DDR2: variants seen among roughly 807,000 people sequenced by gnomAD.
DDR2 encodes discoidin domain receptor tyrosine kinase 2.
Under a neutral mutation model 94.9 loss-of-function variants are expected in DDR2, and 27 were observed. The observed-to-expected ratio is 0.28, with a 90% CI of 0.21 to 0.39. The LOEUF is 0.39. Ranked by LOEUF, DDR2 falls within the 10% of genes least tolerant of loss-of-function variation. The probability of loss-of-function intolerance (pLI) is 1.00; values close to 1 mark genes in which losing one functional copy is unlikely to be tolerated. For missense variants in DDR2, 783 were observed against 1,076.0 expected, an observed-to-expected ratio of 0.73 and a Z score of 3.81; for synonymous variants, 382 against 377.2, an observed-to-expected ratio of 1.01 and a Z score of -0.15.
chr1:162,651,203 C>T lies in DDR2; in HGVS notation c.-191-4008C>T, dbSNP rs577543408. On this transcript the variant is annotated intron_variant, in intron 1 of 17. Transcript: ENST00000367921. ...TGCCATCCCACTCTCCAAAGCCTTT[C>T]CCGGCTCTCTTGTGCTCACTCCTTG... 2.0e-5 allele frequency among the ~76,000 whole-genome samples: 3 copies of T among 152,336 alleles called. No individual in the cohort carries two copies. In the East Asian group the frequency reaches 5.8e-4, roughly 29 times the overall value.
At chr1:162,658,869 A>T (rs992392616) in intron 2 of DDR2, among the ~76,000 whole-genome samples, 1 of 59,152 alleles carries the variant, frequency 1.7e-5, no homozygotes, top group Non-Finnish European at 4.6e-5. Flanking sequence ...TCAAAGAGGA[A>T]TGGAGGGGAG....
intron 7 of DDR2, among the ~76,000 whole-genome samples, chr1:162,756,172 G>T (rs1225361877): frequency 6.6e-6 from 1 of 152,160 alleles, no homozygotes; most frequent in Non-Finnish European, 1.5e-5. Context: ...AGAAAGAATA[G>T]ACCTTATACA....
intron 2 of DDR2, among the ~76,000 whole-genome samples, chr1:162,668,858 C>T (rs1019230739): frequency 1.3e-5 from 2 of 152,216 alleles, no homozygotes; most frequent in Non-Finnish European, 2.9e-5. Context: ...ACCCACCACA[C>T]TGTTAAAGAT....
In DDR2 at chr1:162,708,908, T is replaced by G. The variant is rs558354126; in HGVS notation, c.-27-10129T>G. 2.6e-5 allele frequency among the ~76,000 whole-genome samples: 4 copies of G among 152,264 alleles called. No individual in the cohort carries two copies. In the South Asian group the frequency reaches 8.3e-4, roughly 32 times the overall value. On this transcript the variant is annotated intron_variant, in intron 2 of 17. Coordinates refer to ENST00000367921, the MANE Select transcript of DDR2 (RefSeq NM_006182.4). ...GGGTGGCATGCTTTTTGCCCCTAAC[T>G]TGCAAATTTATTGAGAACATGATGC...
intron 3 of DDR2, among the ~76,000 whole-genome samples, chr1:162,737,758 A>G (rs1439217847): frequency 1.6e-5 from 2 of 123,628 alleles, no homozygotes; most frequent in Non-Finnish European, 3.4e-5. Flanking sequence ...TGGTTGAACT[A>G]GTTTACAGTC....
chr1:162,704,571 A>T (rs1241195670), intron 2 of DDR2, among the ~76,000 whole-genome samples: 2 of 152,190 alleles, frequency 1.3e-5, no homozygotes, highest in African/African-American at 4.8e-5. Flanking sequence ...GTGCTGGCAG[A>T]TTCAGGGTCT....
chr1:162,727,471 A>G (rs1433053918), intron 3 of DDR2, among the ~76,000 whole-genome samples: 1 of 146,228 alleles, frequency 6.8e-6, no homozygotes, highest in African/African-American at 2.5e-5. Context: ...TTCACATGTT[A>G]CATGTTATAT....
intron 3 of DDR2, among the ~76,000 whole-genome samples, chr1:162,729,237 C>T (rs2941406): frequency 6.8e-6 from 1 of 147,032 alleles, no homozygotes; most frequent in Admixed American, 6.8e-5. Flanking sequence ...CACCCTAACT[C>T]TAAAGGGATG....
At chr1:162,778,085 A>G (rs1647684576) in intron 16 of DDR2, 1 of 206,734 alleles carries the variant, frequency 4.8e-6, no homozygotes, top group Non-Finnish European at 9.9e-6. Context: ...TTGAGTAGAA[A>G]ATGTGAGTAG....
rs2102138408 is a variant in DDR2 at position 162,755,710 on chromosome 1, C to T, written c.612C>T (p.Leu204=). The change falls in exon 7 of 18, where the codon CTC becomes CTT. Residue 204 remains leucine, a synonymous_variant. Transcript: ENST00000367921. Reference sequence around the variant, plus strand: ...CTCCAGCTGGGCAGCAGTTTGTACTCCCTGGAGGTTCCATCATTTATCTGA... The same window carrying T: ...CTCCAGCTGGGCAGCAGTTTGTACTTCCTGGAGGTTCCATCATTTATCTGA... ...YNAPAGQQFV[L]PGGSIIYLND... is the part of the protein sequence containing the mutation. 1 of 1,614,142 alleles carries T rather than the reference C, an allele frequency of 6.2e-7. No individual in the cohort carries two copies. The highest frequency in any genetic ancestry group is 8.5e-7 in the Non-Finnish European group (1 of 1,180,006).
At chr1:162,769,492 AG>A (rs1664160916) in intron 11 of DDR2, among the ~76,000 whole-genome samples, 1 of 152,222 alleles carries the variant, frequency 6.6e-6, no homozygotes, top group Admixed American at 6.5e-5. Context: ...CTTCATGCTT[AG>A]TACTGGGGAT....
intron 2 of DDR2, among the ~76,000 whole-genome samples, chr1:162,656,834 T>TTTTG (rs1657994893): frequency 4.3e-5 from 2 of 46,302 alleles, no homozygotes; most frequent in Admixed American, 3.6e-4. Context: ...GCCACTGGAG[T>TTTTG]TTTTTTTTTT....
chr1:162,633,780 T>C (rs951928004), intron 1 of DDR2, among the ~76,000 whole-genome samples: 4 of 152,166 alleles, frequency 2.6e-5, no homozygotes, highest in Non-Finnish European at 5.9e-5. Context: ...GTTATATTTG[T>C]GTGTGTGTGT....
chr1:162,776,099 C>T (rs2102197768), intron 15 of DDR2, 37 bp from the exon 16 acceptor site: 1 of 1,563,936 alleles, frequency 6.4e-7, no homozygotes, highest in African/African-American at 1.4e-5. Flanking sequence ...TTCCTGTTTC[C>T]ATAGGCTACC....
Position 162,782,045 on chromosome 1 carries a change from T to A in DDR2, c.*1799T>A, listed in dbSNP as rs1027399496. ...GGTCATCTTCTGATCCTAGCAAATG[T>A]CCTTTCCCCATAGTTGTCCTATGCC... On this transcript the variant is annotated 3_prime_UTR_variant, in exon 18 of 18. Transcript: ENST00000367921. 6.6e-6 allele frequency: 1 copy of A among 152,248 alleles called. No individual in the cohort carries two copies. Among genetic ancestry groups the A allele is most frequent in the Non-Finnish European group, 1.5e-5 (1 of 68,060 alleles). 9.4% of individuals were successfully genotyped at this position (152,248 alleles called of 1,614,324 possible).
intron 2 of DDR2, among the ~76,000 whole-genome samples, chr1:162,655,856 A>C (rs985152052): frequency 3.9e-5 from 6 of 152,208 alleles, no homozygotes; most frequent in African/African-American, 1.2e-4. Context: ...AACAATACTT[A>C]ATAGAAGCAC....
At chr1:162,673,606 T>TGAGAGA (rs1459695070) in intron 2 of DDR2, among the ~76,000 whole-genome samples, 19 of 101,086 alleles carry the variant, frequency 1.9e-4, no homozygotes, top group African/African-American at 7.4e-4. Context: ...TGTGTGTGTG[T>TGAGAGA]GTGAGAGAGA....
At position 162,780,412 on chromosome 1, in the gene DDR2, C is replaced by CGT; in HGVS notation, c.*166_*167insGT. 1 of 761,834 alleles carries CGT rather than the reference C, an allele frequency of 1.3e-6. No individual in the cohort carries two copies. Among genetic ancestry groups the CGT allele is most frequent in the South Asian group, 2.1e-5 (1 of 47,758 alleles). 47.2% of individuals were successfully genotyped at this position (761,834 alleles called of 1,614,324 possible). ...TCACCCCCACTCCCTACCCCTGACTCATATACACTTTTTTTTTTTTTTACA... is the reference window on the plus strand; with the variant it reads ...TCACCCCCACTCCCTACCCCTGACTCGTATATACACTTTTTTTTTTTTTTACA... On this transcript the variant is annotated 3_prime_UTR_variant, in exon 18 of 18. Transcript: ENST00000367921.
At chr1:162,648,003 C>G (rs1261501752) in intron 1 of DDR2, among the ~76,000 whole-genome samples, 1 of 151,918 alleles carries the variant, frequency 6.6e-6, no homozygotes, top group Non-Finnish European at 1.5e-5. Flanking sequence ...TGGAGTTGCT[C>G]TGGTTCAAAT....
Sources: gnomAD v4.1 joint callset for allele counts (sites outside exome capture counted in the v4.1 genomes callset) on GRCh38, gnomAD v4.1.1 for gene constraint, MANE v1.5 for transcripts, NCBI Gene and HGNC (gene_info 2026-07-23, HGNC 2026-07-21) for gene names.